Variants in ATP7B observed in about 807,000 individuals in gnomAD.
ATP7B encodes ATPase copper transporting beta.
Under a neutral mutation model 118.9 loss-of-function variants are expected in ATP7B, and 113 were observed. The ratio of observed to expected loss-of-function variants is 0.95; its 90% CI spans 0.82 to 1.11. ATP7B has a LOEUF of 1.11. ATP7B is among the 50% of genes most tolerant of loss of function. The pLI is 0.00. For synonymous variants in ATP7B, 777 were observed against 727.4 expected (o/e 1.07, Z -1.10); for missense variants, 1,867 against 1,871.4 (o/e 1.00, Z 0.04).
chr13:51,932,735 A>T lies in ATP7B; in HGVS notation c.*2021T>A, dbSNP rs1956773927. On this transcript the variant is annotated 3_prime_UTR_variant, in exon 21 of 21. Coordinates refer to ENST00000242839, the MANE Select transcript of ATP7B (RefSeq NM_000053.4). ...AAATGTTTTTGAAGTAGAAATGATT[A>T]TCTGACAAAAAAACTCCTTACACTT... 6.6e-6 allele frequency: 1 copy of T among 152,254 alleles called. No individual in the cohort carries two copies. Among genetic ancestry groups the T allele is most frequent in the African/African-American group, 2.4e-5 (1 of 41,468 alleles). The allele number at this position is 152,254 out of a possible 1,614,324, so 9.4% of individuals were successfully genotyped here. A position where few individuals can be genotyped will look rare whatever the true frequency, so the allele number is the denominator to read the frequency against.
chr13:51,951,118 A>AG (rs1957976034), intron 9 of ATP7B, among the ~76,000 whole-genome samples: 1 of 151,944 alleles, frequency 6.6e-6, no homozygotes, highest in Non-Finnish European at 1.5e-5. Context: ...CACAGGAGTG[A>AG]GGGGGAGAGT....
At chr13:51,994,399 C>G (rs976751851) in intron 1 of ATP7B, among the ~76,000 whole-genome samples, 1 of 152,204 alleles carries the variant, frequency 6.6e-6, no homozygotes, top group Middle Eastern at 3.2e-3. Context: ...AATAATTCTA[C>G]ATTTCATATT....
chr13:51,947,171 C>A (rs1957719470), intron 12 of ATP7B, among the ~76,000 whole-genome samples: 1 of 152,152 alleles, frequency 6.6e-6, no homozygotes, highest in African/African-American at 2.4e-5. Flanking sequence ...ACCAGCAGCA[C>A]TGCAAAATTA....
intron 9 of ATP7B, among the ~76,000 whole-genome samples, chr13:51,955,300 C>A (rs1958265792): frequency 6.6e-6 from 1 of 152,214 alleles, no homozygotes; most frequent in Non-Finnish European, 1.5e-5. Flanking sequence ...GAGGCCTAGA[C>A]TGCGGCAATC....
At chr13:51,957,736 G>A in intron 8 of ATP7B, 129 bp from the exon 9 acceptor site, 1 of 853,074 alleles carries the variant, frequency 1.2e-6, no homozygotes, top group Non-Finnish European at 1.9e-6. Flanking sequence ...ACGATAAAAG[G>A]CTCTGCAGGT....
At chr13:51,999,932 G>A (rs757181194) in intron 1 of ATP7B, among the ~76,000 whole-genome samples, 41 of 152,030 alleles carry the variant, frequency 2.7e-4, no homozygotes, top group Non-Finnish European at 2.6e-4. Flanking sequence ...ACTGCCCAAG[G>A]TGACCAGTCC....
Position 51,934,877 on chromosome 13 carries a change from C to A in ATP7B, c.4277G>T (p.Ser1426Ile), listed in dbSNP as rs549611809. Reference sequence around the variant, plus strand: ...CGTCAGGGAGGACAGCGACACCTGGCTGACATAGCTGACCTGGTCCCATGG... The same window carrying A: ...CGTCAGGGAGGACAGCGACACCTGGATGACATAGCTGACCTGGTCCCATGG... Reference protein sequence around the residue: ...ATPWDQVSYVSQVSLSSLTSD... With the variant: ...ATPWDQVSYVIQVSLSSLTSD... Residue 1426 changes from serine to isoleucine, a missense_variant, in exon 21 of 21, where the codon AGC (serine) becomes ATC (isoleucine). Ser to Ile is a moderately radical substitution (Grantham distance 142). Coordinates refer to ENST00000242839, the MANE Select transcript of ATP7B (RefSeq NM_000053.4). 28 of 1,614,200 alleles carry A rather than the reference C, an allele frequency of 1.7e-5. 1 individual carries two copies. The South Asian group carries it at 2.9e-4, about 16-fold the overall frequency.
chr13:51,942,925 G>A (rs1487432128), intron 14 of ATP7B, among the ~76,000 whole-genome samples: 1 of 152,188 alleles, frequency 6.6e-6, no homozygotes, highest in Non-Finnish European at 1.5e-5. Context: ...CCAAAGAGAG[G>A]GAGATGTGAA....
rs372378682 is a variant in ATP7B, at chr13:51,965,008, C to A, written c.1733G>T (p.Cys578Phe). Residue 578 changes from cysteine to phenylalanine, a missense_variant, in exon 5 of 21, where the codon TGT becomes TTT. Transcript: ENST00000242839. ...GAGTTTGGACTCTATGTTGTGGACACAGGACGCGCAGGTCATCCCTGTGAT... is the reference window on the plus strand; with the variant it reads ...GAGTTTGGACTCTATGTTGTGGACAAAGGACGCGCAGGTCATCCCTGTGAT... ...LTITGMTCAS[C>F]VHNIESKLTR... The A allele has an allele frequency of 1.2e-6, 2 of 1,614,026 alleles. No individual in the cohort carries two copies. Among genetic ancestry groups the A allele is most frequent in the Admixed American group, 1.7e-5 (1 of 60,002 alleles).
chr13:51,973,698 C>G (rs1951951945), intron 2 of ATP7B, among the ~76,000 whole-genome samples: 1 of 152,210 alleles, frequency 6.6e-6, no homozygotes, highest in South Asian at 2.1e-4. Context: ...CTGTTATAAG[C>G]AACACAAAAC....
At chr13:51,988,043 C>A (rs1261979506) in intron 1 of ATP7B, among the ~76,000 whole-genome samples, 6 of 152,078 alleles carry the variant, frequency 3.9e-5, no homozygotes, top group East Asian at 3.9e-4. Flanking sequence ...GCAACAAAAG[C>A]CAAAATTGAC....
At chr13:51,993,361 A>G (rs1245713659) in intron 1 of ATP7B, among the ~76,000 whole-genome samples, 1 of 152,084 alleles carries the variant, frequency 6.6e-6, no homozygotes, top group Non-Finnish European at 1.5e-5. Context: ...TGAGCCCAGG[A>G]GTTTGAGACC....
In ATP7B at chr13:51,949,676, GAAC is replaced by G. The variant is rs1424494639; in HGVS notation, c.2848_2850del (p.Val950del). Reference sequence around the variant, plus strand: ...ATTCAACTTACAGGAAAGTATCTCTGAACAACACCAAAATCGATAAAACCGATT... The same window carrying G: ...ATTCAACTTACAGGAAAGTATCTCTGAACACCAAAATCGATAAAACCGATT... On this transcript the variant is annotated inframe_deletion, in exon 12 of 21. Transcript: ENST00000242839. 4 of 1,613,718 alleles carry G rather than the reference GAAC, an allele frequency of 2.5e-6. No individual in the cohort carries two copies. The highest frequency in any genetic ancestry group is 2.7e-5 in the African/African-American group (2 of 74,906).
At chr13:51,982,117 C>T (rs1952452768) in intron 1 of ATP7B, among the ~76,000 whole-genome samples, 1 of 151,772 alleles carries the variant, frequency 6.6e-6, no homozygotes. Flanking sequence ...AAAGTTTGGA[C>T]ACCCCTGCTC....
Position 51,941,845 on chromosome 13 carries a change from C to T in ATP7B, c.3412+541G>A, listed in dbSNP as rs1166867881. Among the ~76,000 whole-genome samples the T allele has an allele frequency of 3.9e-5, 4 of 101,512 alleles. No individual in the cohort carries two copies. In the East Asian group the frequency reaches 7.2e-4, roughly 18 times the overall value. 66.6% of individuals were successfully genotyped at this position (101,512 alleles called of 152,430 possible). On this transcript the variant is annotated intron_variant, in intron 15 of 20. Transcript: ENST00000242839. ...ACAATCTAAGCCACAATTTCACTAC[C>T]AACACTTAGGAAAAACACTAGTCAC...
chr13:51,969,441 T>A (rs1460647383), intron 3 of ATP7B, among the ~76,000 whole-genome samples: 1 of 152,086 alleles, frequency 6.6e-6, no homozygotes, highest in Non-Finnish European at 1.5e-5. Flanking sequence ...ATCCTTTTTT[T>A]TTTTTCTCCT....
intron 1 of ATP7B, among the ~76,000 whole-genome samples, chr13:51,981,695 C>T (rs998836763): frequency 2.0e-5 from 3 of 152,136 alleles, no homozygotes; most frequent in African/African-American, 7.2e-5. Flanking sequence ...CCATATTAAC[C>T]TCTATGAACA....
rs1337566330 is a variant in ATP7B, at chr13:51,964,893, C to T, written c.1848G>A (p.Arg616=). The T allele has an allele frequency of 3.1e-6, 5 of 1,613,950 alleles. No homozygotes were observed. The African/African-American group carries it at 5.3e-5, about 17-fold the overall frequency. The change falls in exon 5 of 21, where the codon CGG becomes CGA. Residue 616 remains arginine (R), a synonymous_variant. Transcript: ENST00000242839. The part of the protein sequence containing the change: ...VKFDPEIIGP[R]DIIKIIEEIG... ...TTACCTCAATAATTTTGATAATATC[C>T]CGTGGACCGATAATTTCCGGGTCAA...
chr13:51,945,286 G>A (rs943930602), intron 13 of ATP7B, among the ~76,000 whole-genome samples: 4 of 152,152 alleles, frequency 2.6e-5, no homozygotes, highest in South Asian at 4.1e-4. Flanking sequence ...CTCCCTCAAC[G>A]GCCTCATCTC....
Sources: gnomAD v4.1 joint callset for allele counts (sites outside exome capture counted in the v4.1 genomes callset) on GRCh38, gnomAD v4.1.1 for gene constraint, MANE v1.5 for transcripts, NCBI Gene and HGNC (gene_info 2026-07-23, HGNC 2026-07-21) for gene names.